The following CHEK1 variants were observed in gnomAD, a reference collection of about 807,000 sequenced individuals.
The protein encoded by CHEK1 is serine/threonine-protein kinase Chk1.
A neutral mutation model predicts 60.2 loss-of-function variants in CHEK1; 32 were observed. The ratio of observed to expected loss-of-function variants is 0.53; its 90% CI spans 0.40 to 0.71. The LOEUF is 0.71. Among genes scored for constraint, CHEK1 ranks in the 30% least tolerant of loss-of-function variants. CHEK1 has a pLI of 0.00. For synonymous variants in CHEK1, 179 were observed against 187.2 expected, an observed-to-expected ratio of 0.96 and a Z score of 0.36; for missense variants, 399 against 564.6, an observed-to-expected ratio of 0.71 and a Z score of 2.97.
chr11:125,654,472 A>G (rs1941839298), intron 12 of CHEK1, among the ~76,000 whole-genome samples: 1 of 152,218 alleles, frequency 6.6e-6, no homozygotes, highest in Non-Finnish European at 1.5e-5. Context: ...TTTAATAAAA[A>G]TTATGATTTG....
downstream of CHEK1, chr11:125,657,187 T>TTTTGTGTGTGTGTGTGTGTGTGTGTGTG (rs140073080): frequency 2.7e-5 from 4 of 146,958 alleles, no homozygotes; most frequent in African/African-American, 1.1e-4. Flanking sequence ...CAACCTATGC[T>TTTTGTGTGTGTGTGTGTGTGTGTGTGTG]TGTGTGTGTG....
At chr11:125,651,284 CTCTTTTT>C (rs1941718602) in intron 11 of CHEK1, among the ~76,000 whole-genome samples, 1 of 133,190 alleles carries the variant, frequency 7.5e-6, no homozygotes, top group South Asian at 2.4e-4. Context: ...AAAGACAAGC[CTCTTTTT>C]TTTTTTTTTT....
At chr11:125,644,070 C>T in intron 9 of CHEK1, 21 bp from the exon 10 acceptor site, 1 of 1,600,592 alleles carries the variant, frequency 6.2e-7, no homozygotes, top group Non-Finnish European at 8.5e-7. Flanking sequence ...ATGTATGTTT[C>T]TTTCTGTCTT....
In CHEK1 at chr11:125,650,991, C is replaced by T. The variant is rs543576305; in HGVS notation, c.1234-2755C>T. Among the ~76,000 whole-genome samples, 10 of 152,204 alleles carry T rather than the reference C, an allele frequency of 6.6e-5. No homozygotes were observed. In the East Asian group the frequency reaches 1.8e-3, roughly 27 times the overall value. ...ATGCAAAGTTAGGGCACATGTAGAG[C>T]TTAGGGGCCTTCTCAGCTCTTTCCT... On this transcript the variant is annotated intron_variant, in intron 11 of 12. Coordinates refer to ENST00000438015, the MANE Select transcript of CHEK1 (RefSeq NM_001114122.3).
At chr11:125,665,273 A>T in intron 13 of CHEK1, among the ~76,000 whole-genome samples, 2 of 133,900 alleles carry the variant, frequency 1.5e-5, no homozygotes, top group Non-Finnish European at 1.6e-5. Context: ...TGATGTTGAT[A>T]TGTCATGTTT....
chr11:125,641,129 G>A lies in CHEK1; in HGVS notation c.815-2663G>A, dbSNP rs183873517. ...GGGTTTGGTACCATTTGTACTTTCA[G>A]GCATCCACTTGAACATATCCCTCTG... is the stretch of plus-strand genomic sequence containing the variant. On this transcript the variant is annotated intron_variant, in intron 8 of 12. Coordinates refer to ENST00000438015, the MANE Select transcript of CHEK1 (RefSeq NM_001114122.3). Among the ~76,000 whole-genome samples, 13 of 152,232 alleles carry A rather than the reference G, an allele frequency of 8.5e-5. 1 individual carries two copies. Among genetic ancestry groups the A allele is most frequent in the Admixed American group, 5.2e-4 (8 of 15,300 alleles).
downstream of CHEK1, among the ~76,000 whole-genome samples, chr11:125,679,216 C>CTTTTTTTTTTTTTTTTTTTTTTT (rs71045115): frequency 5.9e-4 from 72 of 121,030 alleles, no homozygotes; most frequent in African/African-American, 2.2e-3. Flanking sequence ...CCGTCTCTTT[C>CTTTTTTTTTTTTTTTTTTTTTTT]TTTTTTTTTT....
downstream of CHEK1, among the ~76,000 whole-genome samples, chr11:125,678,889 ACACT>A (rs1942646771): frequency 6.7e-6 from 1 of 149,848 alleles, no homozygotes; most frequent in African/African-American, 2.5e-5. Context: ...GTATTTTCTC[ACACT>A]CAATCCCCAA....
chr11:125,651,153 C>T (rs1941711871), intron 11 of CHEK1, among the ~76,000 whole-genome samples: 1 of 152,114 alleles, frequency 6.6e-6, no homozygotes, highest in Admixed American at 6.5e-5. Flanking sequence ...AGTCTGTTTG[C>T]ACCAGTTGCT....
chr11:125,632,484 C>T (rs925819972), intron 5 of CHEK1, among the ~76,000 whole-genome samples: 3 of 152,166 alleles, frequency 2.0e-5, no homozygotes, highest in African/African-American at 7.2e-5. Context: ...TGTCAGTCTT[C>T]ACTAATTTAT....
chr11:125,659,670 G>T (rs1182080621), downstream of CHEK1, among the ~76,000 whole-genome samples: 2 of 152,126 alleles, frequency 1.3e-5, no homozygotes, highest in African/African-American at 2.4e-5. Context: ...TTTGGGAATT[G>T]TTTTTATTTA....
Position 125,643,873 on chromosome 11 carries a change from A to G in CHEK1, c.896A>G (p.Asp299Gly). The G allele has an allele frequency of 6.2e-7, 1 of 1,614,086 alleles. No homozygotes were observed. Among genetic ancestry groups the G allele is most frequent in the Non-Finnish European group, 8.5e-7 (1 of 1,179,970 alleles). ...GFSKHIQSNL[D>G]FSPVNSASSE... ...TCTAAGCACATTCAATCCAATTTGG[A>G]CTTCTCTCCAGTAAACAGTGCTTCT... The change falls in exon 9 of 13, where the codon GAC (aspartate) becomes GGC (glycine). Residue 299 changes from aspartate to glycine, a missense_variant. Coordinates refer to ENST00000438015, the MANE Select transcript of CHEK1 (RefSeq NM_001114122.3).
chr11:125,677,672 A>G, downstream of CHEK1: 1 of 1,300,320 alleles, frequency 7.7e-7, no homozygotes, highest in Non-Finnish European at 1.1e-6. Context: ...AGACTTTGAG[A>G]GAGCTGTTTG....
At chr11:125,633,441 A>T in intron 6 of CHEK1, 90 bp downstream of exon 6, 1 of 1,170,726 alleles carries the variant, frequency 8.5e-7, no homozygotes, top group South Asian at 2.1e-5. Flanking sequence ...ATTCATGTTT[A>T]TATAATAGTT....
chr11:125,632,505 C>T (rs1940904287), intron 5 of CHEK1, among the ~76,000 whole-genome samples: 1 of 152,138 alleles, frequency 6.6e-6, no homozygotes, highest in South Asian at 2.1e-4. Context: ...CTATTACCTG[C>T]ATTGGCTGGC....
At chr11:125,659,173 A>G (rs2136074673), downstream of CHEK1, among the ~76,000 whole-genome samples, 1 of 152,232 alleles carries the variant, frequency 6.6e-6, no homozygotes, top group South Asian at 2.1e-4. Context: ...CAAATGTTTT[A>G]ATTATTTTTT....
At chr11:125,671,005 C>T (rs773534346) in intron 13 of CHEK1, among the ~76,000 whole-genome samples, 10 of 151,922 alleles carry the variant, frequency 6.6e-5, no homozygotes, top group Non-Finnish European at 1.3e-4. Context: ...CTCCTGGGCT[C>T]AAGTGATTAT....
chr11:125,626,895 A>C (rs1279050740), intron 2 of CHEK1, 62 bp downstream of exon 2: 2 of 1,528,532 alleles, frequency 1.3e-6, no homozygotes, highest in Middle Eastern at 1.7e-4. Context: ...GGAGTCTCAC[A>C]CTCTGGTGAT....
chr11:125,667,404 T>C (rs1942119198), intron 13 of CHEK1, among the ~76,000 whole-genome samples: 1 of 152,226 alleles, frequency 6.6e-6, no homozygotes. Flanking sequence ...GAGATTGTGC[T>C]CTTGAATTGG....
Sources: allele counts gnomAD v4.1 joint callset (sites outside exome capture counted in the v4.1 genomes callset), GRCh38; gene constraint gnomAD v4.1.1; transcripts MANE v1.5; gene names NCBI Gene and HGNC (gene_info 2026-07-23, HGNC 2026-07-21).